Variants in SMARCC1 observed in about 807,000 individuals in gnomAD.
SMARCC1 encodes SWI/SNF complex subunit SMARCC1.
In SMARCC1, 43 loss-of-function variants were observed where a neutral mutation model predicts 147.4. The observed-to-expected ratio is 0.29, with a 90% confidence interval of 0.23 to 0.38. The LOEUF (loss-of-function observed/expected upper bound fraction) is 0.38. Among genes scored for constraint, SMARCC1 ranks in the 10% least tolerant of loss-of-function variants. The pLI, the probability that SMARCC1 is intolerant of heterozygous loss-of-function variation, is 1.00. For missense variants in SMARCC1, 1,119 were observed against 1,381.1 expected, an observed-to-expected ratio of 0.81 and a Z score of 3.01; for synonymous variants, 495 against 484.4, an observed-to-expected ratio of 1.02 and a Z score of -0.29.
chr3:47,755,582 G>A (rs2034686632), intron 2 of SMARCC1, among the ~76,000 whole-genome samples: 1 of 151,802 alleles, frequency 6.6e-6, no homozygotes, highest in Non-Finnish European at 1.5e-5. Flanking sequence ...AAACAGGCCA[G>A]GCACGGTGGC....
In SMARCC1 at chr3:47,754,243, G is replaced by A. The variant is rs1353195222; in HGVS notation, c.316-8250C>T. ...TTTTGAGACTGAGTCTCGCTCTGTC[G>A]CCAGGCTGGAGTGCAGTGGTGCAAT... On this transcript the variant is annotated intron_variant, in intron 2 of 27. Transcript: ENST00000254480. 6.1e-5 allele frequency among the ~76,000 whole-genome samples: 9 copies of A among 147,184 alleles called. No homozygotes were observed. In the South Asian group the frequency reaches 1.1e-3, roughly 18 times the overall value.
At chr3:47,770,246 G>C (rs1196209959) in intron 2 of SMARCC1, among the ~76,000 whole-genome samples, 1 of 151,478 alleles carries the variant, frequency 6.6e-6, no homozygotes, top group Non-Finnish European at 1.5e-5. Context: ...TAAATAATAA[G>C]GCTGAGCATG....
intron 13 of SMARCC1, among the ~76,000 whole-genome samples, chr3:47,688,531 C>T (rs1280116925): frequency 1.3e-5 from 2 of 152,004 alleles, no homozygotes; most frequent in Admixed American, 1.3e-4. Context: ...ATCACACAGT[C>T]AAACATGATA....
chr3:47,610,623 C>T, intron 25 of SMARCC1: 1 of 420,616 alleles, frequency 2.4e-6, no homozygotes, highest in Non-Finnish European at 4.4e-6. Flanking sequence ...ACATGTAATC[C>T]CCTCTATGTT....
intron 26 of SMARCC1, among the ~76,000 whole-genome samples, chr3:47,596,460 C>T (rs1314890122): frequency 2.0e-5 from 3 of 151,500 alleles, no homozygotes; most frequent in Non-Finnish European, 2.9e-5. Flanking sequence ...CCTAGCTACT[C>T]GGGAGGCTGA....
Position 47,621,552 on chromosome 3 carries a change from C to T in SMARCC1, c.2781+655G>A, listed in dbSNP as rs540858741. Among the ~76,000 whole-genome samples, 76 of 152,092 alleles carry T rather than the reference C, an allele frequency of 5.0e-4. 1 individual carries two copies. The South Asian group carries it at 6.0e-3, about 12-fold the overall frequency. ...GGCCATTATTCTAAGTGAATTAACC[C>T]GGAAGCAAAAAATGCCACATGTTCT... On this transcript the variant is annotated intron_variant, in intron 25 of 27. Transcript: ENST00000254480.
intron 1 of SMARCC1, among the ~76,000 whole-genome samples, chr3:47,779,344 GGTTA>G (rs1265656351): frequency 6.6e-6 from 1 of 152,172 alleles, no homozygotes; most frequent in Admixed American, 6.5e-5. Context: ...CACTAGAAAC[GGTTA>G]GTTAAAACCA....
At chr3:47,643,105 G>C (rs1205949529) in intron 21 of SMARCC1, among the ~76,000 whole-genome samples, 1 of 152,090 alleles carries the variant, frequency 6.6e-6, no homozygotes, top group East Asian at 1.9e-4. Flanking sequence ...CGTAGAACCC[G>C]TCCACCACAA....
At chr3:47,639,717 A>ACCAG (rs1482374791) in intron 21 of SMARCC1, among the ~76,000 whole-genome samples, 2 of 143,648 alleles carry the variant, frequency 1.4e-5, no homozygotes, top group Non-Finnish European at 3.0e-5. Context: ...ACATCTCAAA[A>ACCAG]CCAACCAACC....
chr3:47,726,144 T>C (rs1399061490), intron 6 of SMARCC1, among the ~76,000 whole-genome samples: 2 of 138,678 alleles, frequency 1.4e-5, no homozygotes, highest in Admixed American at 1.5e-4. Context: ...TAATAAACAA[T>C]ATTACTTGGG....
At chr3:47,685,722 C>T (rs190043770) in intron 14 of SMARCC1, among the ~76,000 whole-genome samples, 349 of 151,948 alleles carry the variant, frequency 2.3e-3, no homozygotes, top group South Asian at 5.4e-3. Flanking sequence ...CCTGGCACGG[C>T]GGCGGGAACC....
intron 8 of SMARCC1, among the ~76,000 whole-genome samples, chr3:47,712,875 C>G (rs2106800554): frequency 6.6e-6 from 1 of 152,208 alleles, no homozygotes; most frequent in South Asian, 2.1e-4. Flanking sequence ...TAATCATTCC[C>G]AGTTCTGATA....
At chr3:47,697,324 G>A (rs1256852474) in intron 11 of SMARCC1, among the ~76,000 whole-genome samples, 5 of 148,856 alleles carry the variant, frequency 3.4e-5, no homozygotes, top group South Asian at 2.1e-4. Context: ...TTTTTTAGAT[G>A]GAGTCTGGCT....
At chr3:47,760,410 C>T (rs377648353) in intron 2 of SMARCC1, among the ~76,000 whole-genome samples, 1 of 152,220 alleles carries the variant, frequency 6.6e-6, no homozygotes, top group African/African-American at 2.4e-5. Flanking sequence ...TGCCAGTAAT[C>T]TCAGCACTTT....
Position 47,636,142 on chromosome 3 carries a change from A to G in SMARCC1, c.2377-6T>C. Reference sequence around the variant, plus strand: ...TTTTCCACTTTATTTTCTGCCTGAAAGGGATATAAAACAAGAGGACAGGCA... The same window carrying G: ...TTTTCCACTTTATTTTCTGCCTGAAGGGGATATAAAACAAGAGGACAGGCA... On this transcript the variant is annotated splice_polypyrimidine_tract_variant and splice_region_variant and intron_variant, in intron 22 of 27. Coordinates refer to ENST00000254480, the MANE Select transcript of SMARCC1 (RefSeq NM_003074.4). 6.6e-7 allele frequency: 1 copy of G among 1,517,316 alleles called. No homozygotes were observed. 94.0% of individuals were successfully genotyped at this position (1,517,316 alleles called of 1,614,324 possible).
intron 24 of SMARCC1, among the ~76,000 whole-genome samples, chr3:47,627,581 G>A (rs1380579036): frequency 6.6e-6 from 1 of 152,150 alleles, no homozygotes; most frequent in Non-Finnish European, 1.5e-5. Context: ...CCAATCCAGA[G>A]CACTACCAGC....
At chr3:47,761,037 A>T (rs1213787847) in intron 2 of SMARCC1, among the ~76,000 whole-genome samples, 5 of 152,092 alleles carry the variant, frequency 3.3e-5, no homozygotes, top group Non-Finnish European at 5.9e-5. Flanking sequence ...GGAGGCTAAG[A>T]CAGGAGAATG....
At chr3:47,642,737 C>T (rs1446571025) in intron 21 of SMARCC1, among the ~76,000 whole-genome samples, 1 of 152,056 alleles carries the variant, frequency 6.6e-6, no homozygotes, top group African/African-American at 2.4e-5. Flanking sequence ...AGTACATATG[C>T]TTTGGGAAAA....
chr3:47,685,402 C>T (rs1323360812), intron 14 of SMARCC1, among the ~76,000 whole-genome samples: 1 of 152,006 alleles, frequency 6.6e-6, no homozygotes, highest in Non-Finnish European at 1.5e-5. Flanking sequence ...TAACTAAAAA[C>T]TTTTTATAAT....
Sources: gnomAD v4.1 joint callset for allele counts (sites outside exome capture counted in the v4.1 genomes callset) on GRCh38, gnomAD v4.1.1 for gene constraint, MANE v1.5 for transcripts, NCBI Gene and HGNC (gene_info 2026-07-23, HGNC 2026-07-21) for gene names.